The following ATP9A variants were observed in gnomAD, a reference collection of about 807,000 sequenced individuals.
ATP9A encodes probable phospholipid-transporting ATPase IIA.
In ATP9A, 52 loss-of-function variants were observed where a neutral mutation model predicts 144.1. The observed-to-expected ratio is 0.36, with a 90% confidence interval of 0.29 to 0.45. The LOEUF (loss-of-function observed/expected upper bound fraction) is 0.45. Ranked by LOEUF, ATP9A falls within the 20% of genes least tolerant of loss-of-function variation. The pLI is 1.00. For missense variants in ATP9A, 947 were observed against 1,392.7 expected, an observed-to-expected ratio of 0.68 and a Z score of 5.09; for synonymous variants, 582 against 557.4, an observed-to-expected ratio of 1.04 and a Z score of -0.62.
chr20:51,654,881 G>T (rs2077380859), intron 14 of ATP9A, among the ~76,000 whole-genome samples: 2 of 152,156 alleles, frequency 1.3e-5, no homozygotes, highest in Admixed American at 1.3e-4. Context: ...TGTGGAGCTG[G>T]ATCCCGGGAG....
At chr20:51,738,809 G>A (rs537767949) in intron 1 of ATP9A, among the ~76,000 whole-genome samples, 55 of 152,106 alleles carry the variant, frequency 3.6e-4, no homozygotes, top group Non-Finnish European at 7.4e-4. Context: ...GAGGCTGGGC[G>A]CGGTGGCTCA....
At chr20:51,741,299 G>A (rs1308912887) in intron 1 of ATP9A, among the ~76,000 whole-genome samples, 6 of 152,202 alleles carry the variant, frequency 3.9e-5, no homozygotes, top group Non-Finnish European at 7.3e-5. Flanking sequence ...GGAGCTCACA[G>A]GCCAGGCGCG....
At chr20:51,706,507 TC>T (rs1464228956) in intron 4 of ATP9A, among the ~76,000 whole-genome samples, 2 of 152,244 alleles carry the variant, frequency 1.3e-5, no homozygotes, top group Non-Finnish European at 2.9e-5. Flanking sequence ...ATGCCTGTAA[TC>T]CCAACACTTT....
chr20:51,702,284 T>TCTGTCTCAAAAAAAAAA (rs2077596665), intron 4 of ATP9A, among the ~76,000 whole-genome samples: 1 of 130,686 alleles, frequency 7.7e-6, no homozygotes, highest in Non-Finnish European at 1.6e-5. Context: ...AGTGCAAGAC[T>TCTGTCTCAAAAAAAAAA]CTGTCTCAAA....
intron 27 of ATP9A, among the ~76,000 whole-genome samples, chr20:51,602,319 C>A (rs568933780): frequency 6.6e-6 from 1 of 152,330 alleles, no homozygotes; most frequent in East Asian, 1.9e-4. Context: ...TGCTGAAATG[C>A]AGCTGCCACT....
intron 5 of ATP9A, among the ~76,000 whole-genome samples, chr20:51,696,549 C>G (rs1458152748): frequency 6.6e-6 from 1 of 152,004 alleles, no homozygotes; most frequent in East Asian, 1.9e-4. Flanking sequence ...TGATGTTTGG[C>G]TTTTAGTGGA....
intron 16 of ATP9A, among the ~76,000 whole-genome samples, chr20:51,627,919 A>G (rs912104647): frequency 6.6e-6 from 1 of 152,208 alleles, no homozygotes; most frequent in Non-Finnish European, 1.5e-5. Flanking sequence ...CAACTAGCAC[A>G]TGTATGTTTC....
intron 1 of ATP9A, among the ~76,000 whole-genome samples, chr20:51,753,956 G>C (rs2077844723): frequency 6.6e-6 from 1 of 151,760 alleles, no homozygotes; most frequent in Non-Finnish European, 1.5e-5. Context: ...ACAGGCACGA[G>C]CCACCATGCC....
At chr20:51,673,782 G>A (rs2122791523) in intron 11 of ATP9A, among the ~76,000 whole-genome samples, 1 of 152,194 alleles carries the variant, frequency 6.6e-6, no homozygotes, top group East Asian at 1.9e-4. Context: ...GGGCGCGGTG[G>A]CTCACACCTA....
intron 14 of ATP9A, among the ~76,000 whole-genome samples, chr20:51,651,957 A>G (rs1345651241): frequency 4.6e-5 from 7 of 152,188 alleles, no homozygotes; most frequent in Admixed American, 4.6e-4. Context: ...TTTTTTAAAT[A>G]TGAAAAATTC....
At chr20:51,627,275 G>GT (rs1219986139) in intron 17 of ATP9A, among the ~76,000 whole-genome samples, 7 of 152,184 alleles carry the variant, frequency 4.6e-5, no homozygotes, top group Admixed American at 4.6e-4. Flanking sequence ...CGCGATGACA[G>GT]TGACAAATGC....
At position 51,622,093 on chromosome 20, in the gene ATP9A, T is replaced by C; in HGVS notation, c.2096A>G (p.Asp699Gly). ...CTTTACCAGCCGAAAAACGTGGATG[T>C]CTTGGTTTCTGGTCACCAGATGTGC... is the stretch of plus-strand genomic sequence containing the variant. ...KNAHLVTRNQ[D>G]IHVFRLVTNR... Residue 699 changes from aspartate (D) to glycine (G), a missense_variant, in exon 19 of 28, where the codon GAC (aspartate) becomes GGC (glycine). This residue lies in a region of ATP9A where 770 missense variants were observed against 1,047.9 expected (regional missense o/e 0.73). Coordinates refer to ENST00000338821, the MANE Select transcript of ATP9A (RefSeq NM_006045.3). The C allele has an allele frequency of 5.6e-6, 9 of 1,614,054 alleles. No individual in the cohort carries two copies. The highest frequency in any genetic ancestry group is 7.6e-6 in the Non-Finnish European group (9 of 1,180,006).
Position 51,607,439 on chromosome 20 carries a change from TCTTC to T in ATP9A, c.2803+84_2803+87del. ...TCCTTCCTGCTATTTCAGATTCGTT[TCTTC>T]TCTTCTTGTTCTACAGGCAAGAAGG... is the stretch of plus-strand genomic sequence containing the variant. On this transcript the variant is annotated intron_variant, in intron 26 of 27. Transcript: ENST00000338821. 21 of 1,244,518 alleles carry T rather than the reference TCTTC, an allele frequency of 1.7e-5. 1 individual carries two copies. In the Admixed American group the frequency reaches 4.2e-4, roughly 25 times the overall value. 77.1% of individuals were successfully genotyped at this position (1,244,518 alleles called of 1,614,324 possible).
rs12624349 is a variant in ATP9A at position 51,750,474 on chromosome 20, C to A, written c.68+17828G>T. ...GCCTGGCTGGCAACCCCACACAGCA[C>A]GAGCCCAAAAAATTCCAGAAAACAG... On this transcript the variant is annotated intron_variant, in intron 1 of 27. Coordinates refer to ENST00000338821, the MANE Select transcript of ATP9A (RefSeq NM_006045.3). 9.0e-4 allele frequency among the ~76,000 whole-genome samples: 137 copies of A among 152,072 alleles called. 1 individual carries two copies. Among genetic ancestry groups the A allele is most frequent in the Admixed American group, 6.6e-4 (10 of 15,264 alleles).
intron 4 of ATP9A, among the ~76,000 whole-genome samples, chr20:51,711,180 T>A (rs1234552389): frequency 1.3e-5 from 2 of 152,198 alleles, no homozygotes; most frequent in Non-Finnish European, 2.9e-5. Flanking sequence ...TTAGCATGAA[T>A]AAAGCATTTC....
At chr20:51,731,803 G>A (rs983723239) in intron 1 of ATP9A, among the ~76,000 whole-genome samples, 2 of 151,946 alleles carry the variant, frequency 1.3e-5, no homozygotes, top group Non-Finnish European at 2.9e-5. Context: ...GCCTTGAACT[G>A]TGTCAGCCTT....
chr20:51,670,035 C>T lies in ATP9A; in HGVS notation c.1255G>A (p.Asp419Asn). ...CTGAAAATGTGGCTTTGTACTTCGT[C>T]CATTGAGTCGAGGCCGTAGGCTACT... ...GTVAYGLDSM[D>N]EVQSHIFSIY... The change falls in exon 13 of 28, where the codon GAC becomes AAC. Residue 419 changes from aspartate (D) to asparagine (N), a missense_variant. Transcript: ENST00000338821. The T allele has an allele frequency of 6.2e-7, 1 of 1,614,092 alleles. No individual in the cohort carries two copies. The highest frequency in any genetic ancestry group is 8.5e-7 in the Non-Finnish European group (1 of 1,180,020).
At position 51,658,888 on chromosome 20, in the gene ATP9A, CGG is replaced by C. The variant is rs11477336; in HGVS notation, c.1294-1740_1294-1739del. On this transcript the variant is annotated intron_variant, in intron 13 of 27. Transcript: ENST00000338821. ...ATATAATGAAAATTAAGACCACTGG[CGG>C]GGGGGGGGGGGGGAAGGCTCATTGT... Among the ~76,000 whole-genome samples the C allele has an allele frequency of 2.0e-3, 111 of 54,802 alleles. 7 individuals carry two copies. Among genetic ancestry groups the C allele is most frequent in the African/African-American group, 6.6e-3 (79 of 11,892 alleles). The allele number at this position is 54,802 out of a possible 152,430, so 36.0% of individuals were successfully genotyped here.
intron 1 of ATP9A, among the ~76,000 whole-genome samples, chr20:51,739,371 G>A (rs1433902077): frequency 1.5e-5 from 2 of 132,006 alleles, no homozygotes; most frequent in Admixed American, 7.9e-5. Context: ...TTTTTTTTGA[G>A]ATGGAGTCTT....
Sources: allele counts gnomAD v4.1 joint callset (sites outside exome capture counted in the v4.1 genomes callset), GRCh38; gene constraint gnomAD v4.1.1; regional missense constraint gnomAD v4.1.1; transcripts MANE v1.5; gene names NCBI Gene and HGNC (gene_info 2026-07-23, HGNC 2026-07-21).